TASP1: variants seen among roughly 807,000 people sequenced by gnomAD.
TASP1 encodes the protein taspase 1, also known as threonine aspartase 1.
Under a neutral mutation model 56.6 loss-of-function variants are expected in TASP1, and 16 were observed. The observed-to-expected ratio is 0.28, with a 90% confidence interval of 0.19 to 0.43. The LOEUF is 0.43. TASP1 is among the 20% of genes least tolerant of loss of function. TASP1 has a pLI of 1.00. For missense variants in TASP1, 393 were observed against 511.6 expected (o/e 0.77, Z 2.24); for synonymous variants, 179 against 184.2 (o/e 0.97, Z 0.23).
At chr20:13,129,640 C>G in the TASP1 span, among the ~76,000 whole-genome samples, 1 of 152,170 alleles carries the variant, frequency 6.6e-6, no homozygotes, top group African/African-American at 2.4e-5. Flanking sequence ...ATATGTCATC[C>G]GAATCAGTTG....
At chr20:13,556,245 G>A (rs887861213) in intron 8 of TASP1, among the ~76,000 whole-genome samples, 1 of 152,014 alleles carries the variant, frequency 6.6e-6, no homozygotes, top group Non-Finnish European at 1.5e-5. Context: ...CATCAATATT[G>A]TCTTTCCAGA....
intron 12 of TASP1, among the ~76,000 whole-genome samples, chr20:13,430,150 C>T (rs992540616): frequency 6.6e-6 from 1 of 152,190 alleles, no homozygotes; most frequent in African/African-American, 2.4e-5. Flanking sequence ...AAAACCAAAA[C>T]CCAACAGCTG....
chr20:13,164,314 A>T, the TASP1 span: 3 of 471,416 alleles, frequency 6.4e-6, no homozygotes. Context: ...ACAGAGGATG[A>T]TGTTAATCAG....
At chr20:13,222,082 A>T in the TASP1 span, among the ~76,000 whole-genome samples, 1 of 152,088 alleles carries the variant, frequency 6.6e-6, no homozygotes, top group Non-Finnish European at 1.5e-5. Flanking sequence ...GCAGAGGCGG[A>T]GCGGGGGCAC....
chr20:13,150,186 C>T, the TASP1 span, among the ~76,000 whole-genome samples: 1 of 152,194 alleles, frequency 6.6e-6, no homozygotes, highest in African/African-American at 2.4e-5. Flanking sequence ...GTTCTTAACT[C>T]TCTAAACACA....
chr20:13,589,112 C>T (rs1175242635), intron 4 of TASP1, among the ~76,000 whole-genome samples: 1 of 141,972 alleles, frequency 7.0e-6, no homozygotes, highest in African/African-American at 2.7e-5. Flanking sequence ...GGCTGGAGTG[C>T]AGTGGTGTGA....
chr20:13,445,358 A>C (rs978897318), intron 11 of TASP1, among the ~76,000 whole-genome samples: 2 of 152,224 alleles, frequency 1.3e-5, no homozygotes, highest in African/African-American at 4.8e-5. Flanking sequence ...GTCCTCAAGG[A>C]AATAATTCAG....
chr20:13,413,638 T>C (rs2042161689), intron 13 of TASP1, among the ~76,000 whole-genome samples: 1 of 152,204 alleles, frequency 6.6e-6, no homozygotes, highest in African/African-American at 2.4e-5. Context: ...CCAAGGGTGA[T>C]ATTTTTTGAA....
the TASP1 span, among the ~76,000 whole-genome samples, chr20:13,309,938 A>G: frequency 6.6e-6 from 1 of 152,210 alleles, no homozygotes; most frequent in Non-Finnish European, 1.5e-5. Flanking sequence ...AAGAAACTGA[A>G]TAAAAAATAA....
Position 13,572,405 on chromosome 20 carries a change from T to C in TASP1, c.489-2819A>G, listed in dbSNP as rs1482571688. Among the ~76,000 whole-genome samples the C allele has an allele frequency of 2.6e-5, 4 of 152,122 alleles. 1 individual carries two copies. The South Asian group carries it at 8.3e-4, about 31-fold the overall frequency. On this transcript the variant is annotated intron_variant, in intron 6 of 13. Transcript: ENST00000337743. ...AGGTGAGGTAATTAAAACTCTCAGC[T>C]GGACGCAGTGGCTCACACCTGCAAT...
At chr20:13,166,841 G>A in the TASP1 span, 1 of 152,118 alleles carries the variant, frequency 6.6e-6, no homozygotes, top group African/African-American at 2.4e-5. Context: ...GTCTTCATGA[G>A]CAGGAATGTC....
the TASP1 span, among the ~76,000 whole-genome samples, chr20:13,119,216 C>T: frequency 7.2e-5 from 11 of 152,328 alleles, no homozygotes; most frequent in Middle Eastern, 3.4e-3. Flanking sequence ...TTTAACGAAG[C>T]ATAACTCTAC....
In TASP1 at chr20:13,414,818, TA is replaced by T. The variant is rs144659828; in HGVS notation, c.1170+2629del. Among the ~76,000 whole-genome samples, 33 of 148,922 alleles carry T rather than the reference TA, an allele frequency of 2.2e-4. No individual in the cohort carries two copies. In the East Asian group the frequency reaches 3.9e-3, roughly 18 times the overall value. On this transcript the variant is annotated intron_variant, in intron 13 of 13. Transcript: ENST00000337743. ...ATGATTTAATTGCAAGAACATTCTT[TA>T]AAAAAAAAAGACTTGTAAAAGAACC...
In TASP1 at chr20:13,627,009, A is replaced by G. The variant is rs1047897741; in HGVS notation, c.146-1757T>C. Among the ~76,000 whole-genome samples the G allele has an allele frequency of 3.3e-5, 5 of 151,184 alleles. No individual in the cohort carries two copies. The Admixed American group carries it at 3.3e-4, about 10-fold the overall frequency. On this transcript the variant is annotated intron_variant, in intron 2 of 13. Transcript: ENST00000337743. ...TCCAAGCCACTGACAAATAGGATCTAGTTAAACTTCAATTACAGTGTTTTG... is the reference window on the plus strand; with the variant it reads ...TCCAAGCCACTGACAAATAGGATCTGGTTAAACTTCAATTACAGTGTTTTG...
intron 8 of TASP1, among the ~76,000 whole-genome samples, chr20:13,558,707 G>A (rs145766813): frequency 5.3e-5 from 8 of 152,062 alleles, no homozygotes; most frequent in East Asian, 3.9e-4. Flanking sequence ...TACTAAAAAC[G>A]ATAATGTAAA....
intron 13 of TASP1, among the ~76,000 whole-genome samples, chr20:13,412,053 C>A (rs1053683399): frequency 2.6e-5 from 4 of 152,214 alleles, no homozygotes; most frequent in Non-Finnish European, 5.9e-5. Flanking sequence ...TTTCTCTGGC[C>A]ACTGCCATGT....
chr20:13,553,365 T>C (rs951015527), intron 8 of TASP1, among the ~76,000 whole-genome samples: 3 of 152,082 alleles, frequency 2.0e-5, no homozygotes, highest in Non-Finnish European at 4.4e-5. Flanking sequence ...AGCCCTACCA[T>C]GCAAAGTATG....
the TASP1 span, among the ~76,000 whole-genome samples, chr20:13,184,509 C>T: frequency 1.3e-5 from 2 of 152,068 alleles, no homozygotes; most frequent in African/African-American, 4.8e-5. Context: ...CTGATTAAAA[C>T]CTTTAATCTT....
At chr20:13,356,089 G>A in the TASP1 span, among the ~76,000 whole-genome samples, 3 of 152,184 alleles carry the variant, frequency 2.0e-5, no homozygotes, top group Non-Finnish European at 2.9e-5. Context: ...TGGCAGGAGA[G>A]CTAAGGTTTT....
Sources: allele counts gnomAD v4.1 joint callset (sites outside exome capture counted in the v4.1 genomes callset), GRCh38; gene constraint gnomAD v4.1.1; transcripts MANE v1.5; gene names NCBI Gene and HGNC (gene_info 2026-07-23, HGNC 2026-07-21).